The following CFAP70 variants were observed in gnomAD, a reference collection of about 807,000 sequenced individuals.
CFAP70 encodes the protein cilia- and flagella-associated protein 70.
A neutral mutation model predicts 137.6 loss-of-function variants in CFAP70; 81 were observed. That is an observed-to-expected ratio of 0.59 (90% confidence interval 0.49 to 0.71). The LOEUF is 0.71. CFAP70 is among the 30% of genes least tolerant of loss of function. The pLI is 0.00. For missense variants in CFAP70, 976 were observed against 1,226.7 expected (o/e 0.80, Z 3.05); for synonymous variants, 382 against 423.6 (o/e 0.90, Z 1.20).
chr10:73,359,457 G>A (rs1009407763), upstream of CFAP70, among the ~76,000 whole-genome samples: 6 of 152,164 alleles, frequency 3.9e-5, no homozygotes, highest in Non-Finnish European at 8.8e-5. Flanking sequence ...GCAGTGTTAA[G>A]AGCCAGCTTG....
chr10:73,335,060 C>CTTTTT (rs547226854), intron 7 of CFAP70, among the ~76,000 whole-genome samples: 11 of 118,338 alleles, frequency 9.3e-5, no homozygotes, highest in African/African-American at 1.7e-4. Flanking sequence ...TCTTCTTCTT[C>CTTTTT]TTTTTTTTTT....
intron 14 of CFAP70, among the ~76,000 whole-genome samples, chr10:73,298,697 G>T (rs918010871): frequency 2.6e-5 from 4 of 152,022 alleles, no homozygotes; most frequent in Non-Finnish European, 4.4e-5. Flanking sequence ...TTTCTTAAAA[G>T]CTCCCGTTCA....
At chr10:73,283,995 A>G (rs1402967927) in intron 19 of CFAP70, among the ~76,000 whole-genome samples, 1 of 152,218 alleles carries the variant, frequency 6.6e-6, no homozygotes, top group East Asian at 1.9e-4. Context: ...TTAGTTTCCT[A>G]TTGCTGCTGT....
At chr10:73,353,851 A>C (rs747350580) in intron 2 of CFAP70, 109 bp from the exon 3 acceptor site, 30 of 929,680 alleles carry the variant, frequency 3.2e-5, no homozygotes, top group Non-Finnish European at 4.9e-5. Flanking sequence ...ATTTTTTCCT[A>C]ACGAGCAACA....
intron 12 of CFAP70, among the ~76,000 whole-genome samples, chr10:73,305,594 G>T (rs1450229703): frequency 1.3e-5 from 2 of 152,160 alleles, no homozygotes; most frequent in East Asian, 3.8e-4. Context: ...TGGCAGAAAA[G>T]ATTTTTTGTT....
At chr10:73,304,847 TAAAAA>T (rs755417161) in intron 12 of CFAP70, among the ~76,000 whole-genome samples, 1 of 138,408 alleles carries the variant, frequency 7.2e-6, no homozygotes, top group Non-Finnish European at 1.6e-5. Flanking sequence ...CAGATAAACT[TAAAAA>T]AAAAAAACAC....
intron 12 of CFAP70, among the ~76,000 whole-genome samples, chr10:73,304,220 A>G (rs1268688868): frequency 1.3e-5 from 2 of 151,990 alleles, no homozygotes; most frequent in Admixed American, 6.6e-5. Context: ...CGCCCGGCTA[A>G]TTTTTATATT....
At chr10:73,272,768 C>A (rs533914163) in intron 24 of CFAP70, 160 bp downstream of exon 25, 2 of 718,404 alleles carry the variant, frequency 2.8e-6, no homozygotes, top group Non-Finnish European at 2.6e-6. Flanking sequence ...AGTTAAGTGA[C>A]CTTCAGTTCA....
intron 25 of CFAP70, among the ~76,000 whole-genome samples, chr10:73,258,332 C>T (rs1343876125): frequency 6.6e-6 from 1 of 152,192 alleles, no homozygotes; most frequent in Non-Finnish European, 1.5e-5. Flanking sequence ...GTCTTTACTG[C>T]AATCTCTGAA....
At chr10:73,328,025 C>T (rs1212007857) in intron 8 of CFAP70, among the ~76,000 whole-genome samples, 3 of 152,074 alleles carry the variant, frequency 2.0e-5, no homozygotes, top group South Asian at 2.1e-4. Context: ...GAGCTCGCAT[C>T]GCCAAGTCAA....
In CFAP70 at chr10:73,285,617, C is replaced by T. The variant is rs923827516; in HGVS notation, c.2239+5609G>A. Among the ~76,000 whole-genome samples, 10 of 151,082 alleles carry T rather than the reference C, an allele frequency of 6.6e-5. No homozygotes were observed. In the South Asian group the frequency reaches 2.1e-3, roughly 32 times the overall value. ...GCAGAAACCCAGGGTTTCAGTTCATCATTTGAAACTATATTTTCTTTTTTT... is the reference window on the plus strand; with the variant it reads ...GCAGAAACCCAGGGTTTCAGTTCATTATTTGAAACTATATTTTCTTTTTTT... On this transcript the variant is annotated intron_variant, in intron 19 of 26. Transcript: ENST00000310715.
exon 25 of CFAP70, chr10:73,269,680 A>C: frequency 1.2e-6 from 2 of 1,613,818 alleles, no homozygotes; most frequent in Non-Finnish European, 1.7e-6. Context: ...CATTGGCTTC[A>C]GAAAGAGCAT....
chr10:73,331,353 C>A, intron 7 of CFAP70, 77 bp from the exon 9 acceptor site: 1 of 1,247,060 alleles, frequency 8.0e-7, no homozygotes. Flanking sequence ...GGGAAATATT[C>A]TCTTTTAGAA....
chr10:73,309,425 G>A (rs1236625288), intron 12 of CFAP70, among the ~76,000 whole-genome samples: 5 of 152,048 alleles, frequency 3.3e-5, no homozygotes, highest in Admixed American at 6.6e-5. Context: ...ACAACACCAA[G>A]GTGTTAAAAG....
chr10:73,328,742 C>A (rs2051744684), intron 8 of CFAP70, among the ~76,000 whole-genome samples: 1 of 149,880 alleles, frequency 6.7e-6, no homozygotes, highest in South Asian at 2.2e-4. Context: ...TGAAAAAATG[C>A]TCACCATCAC....
chr10:73,355,359 A>C (rs7097119), intron 1 of CFAP70, among the ~76,000 whole-genome samples: 1 of 152,016 alleles, frequency 6.6e-6, no homozygotes, highest in Admixed American at 6.5e-5. Flanking sequence ...TAGGTTGTGC[A>C]CTCCTTATAA....
intron 19 of CFAP70, among the ~76,000 whole-genome samples, chr10:73,281,425 G>C (rs2047250760): frequency 6.6e-6 from 1 of 151,654 alleles, no homozygotes. Context: ...CTGGCCTCAA[G>C]TGATCTGCCT....
At chr10:73,278,930 G>A (rs1158588274) in intron 19 of CFAP70, 2 of 146,944 alleles carry the variant, frequency 1.4e-5, no homozygotes, top group Non-Finnish European at 3.0e-5. Flanking sequence ...GCAGTGAGCC[G>A]AGATCACGTC....
At position 73,270,284 on chromosome 10, in the gene CFAP70, C is replaced by T. The variant is rs1213357402; in HGVS notation, c.2926-569G>A. Among the ~76,000 whole-genome samples, 5 of 152,146 alleles carry T rather than the reference C, an allele frequency of 3.3e-5. No individual in the cohort carries two copies. The South Asian group carries it at 1.0e-3, about 32-fold the overall frequency. The stretch of plus-strand genomic sequence containing the variant: ...TAGGGTGCACTCTGGGCTCTGGGCA[C>T]GTGGAAATTGTTGCTGCTTCCTAAA... On this transcript the variant is annotated intron_variant, in intron 24 of 26. Coordinates refer to ENST00000310715, the Ensembl canonical transcript of CFAP70.
Sources: gnomAD v4.1 joint callset for allele counts (sites outside exome capture counted in the v4.1 genomes callset) on GRCh38, gnomAD v4.1.1 for gene constraint, MANE v1.5 for transcripts, NCBI Gene and HGNC (gene_info 2026-07-23, HGNC 2026-07-21) for gene names.